The following PHF14 variants were observed in gnomAD, a reference collection of about 807,000 sequenced individuals.
The protein encoded by PHF14 is PHD finger protein 14.
A neutral mutation model predicts 117.9 loss-of-function variants in PHF14; 55 were observed. The observed-to-expected ratio is 0.47, with a 90% CI of 0.38 to 0.58. The LOEUF (loss-of-function observed/expected upper bound fraction) is 0.58, where lower values mean the gene tolerates loss of function less well. PHF14 is among the 20% of genes least tolerant of loss of function. PHF14 has a pLI of 0.00. For missense variants in PHF14, 978 were observed against 1,122.2 expected (o/e 0.87, Z 1.84); for synonymous variants, 409 against 368.6 (o/e 1.11, Z -1.26).
At chr7:11,110,074 A>G (rs1279618188) in intron 16 of PHF14, 2 of 151,904 alleles carry the variant, frequency 1.3e-5, no homozygotes, top group African/African-American at 4.8e-5. Context: ...GGACTTTTGT[A>G]TCATAATATG....
chr7:11,134,404 A>C (rs563343610), intron 17 of PHF14, among the ~76,000 whole-genome samples: 1 of 152,054 alleles, frequency 6.6e-6, no homozygotes, highest in Non-Finnish European at 1.5e-5. Flanking sequence ...ATTGTTTGCT[A>C]TATAATTTAA....
At chr7:11,103,916 C>A (rs1008984943) in intron 16 of PHF14, 7 of 981,462 alleles carry the variant, frequency 7.1e-6, no homozygotes, top group Non-Finnish European at 8.5e-6. Flanking sequence ...AACTAGTAGA[C>A]TTTTGTTTAA....
intron 16 of PHF14, chr7:11,106,539 G>C (rs1207607702): frequency 3.1e-6 from 3 of 980,334 alleles, no homozygotes; most frequent in Non-Finnish European, 3.6e-6. Flanking sequence ...GCAGAATTTT[G>C]TGCAAGCTTG....
chr7:11,012,420 T>A (rs1163157524), intron 4 of PHF14, among the ~76,000 whole-genome samples: 1 of 152,188 alleles, frequency 6.6e-6, no homozygotes, highest in Non-Finnish European at 1.5e-5. Context: ...ATGCTTTGTT[T>A]ATGTGAGTTT....
At chr7:11,129,183 C>A (rs1788019172) in intron 17 of PHF14, among the ~76,000 whole-genome samples, 1 of 151,966 alleles carries the variant, frequency 6.6e-6, no homozygotes, top group Non-Finnish European at 1.5e-5. Flanking sequence ...TTTTATTTTG[C>A]CAAATGGCAG....
At chr7:11,115,334 C>A (rs893408486) in intron 17 of PHF14, among the ~76,000 whole-genome samples, 3 of 151,848 alleles carry the variant, frequency 2.0e-5, no homozygotes, top group African/African-American at 7.3e-5. Context: ...AGTGTTTGCC[C>A]CACAGTAGAT....
At chr7:11,129,534 T>G (rs898377440) in intron 17 of PHF14, among the ~76,000 whole-genome samples, 2 of 146,562 alleles carry the variant, frequency 1.4e-5, no homozygotes, top group African/African-American at 2.6e-5. Context: ...AATGCCTATT[T>G]TGTGTGTATG....
chr7:11,072,777 G>A (rs1785665822), intron 16 of PHF14, among the ~76,000 whole-genome samples: 1 of 152,162 alleles, frequency 6.6e-6, no homozygotes, highest in African/African-American at 2.4e-5. Flanking sequence ...CAAGCAGCAT[G>A]GCACTGACAT....
chr7:10,987,074 G>T (rs569320243), intron 3 of PHF14, among the ~76,000 whole-genome samples: 73 of 152,190 alleles, frequency 4.8e-4, no homozygotes, highest in South Asian at 2.7e-3. Context: ...AAATGTAAAT[G>T]TTTTGCCAAA....
chr7:11,050,613 C>T (rs1244236746), intron 13 of PHF14, among the ~76,000 whole-genome samples: 2 of 152,016 alleles, frequency 1.3e-5, no homozygotes, highest in Non-Finnish European at 2.9e-5. Context: ...TTCAAGTGCT[C>T]AGTAACCATC....
intron 2 of PHF14, 71 bp downstream of exon 2, chr7:10,975,016 C>G (rs1412021400): frequency 2.5e-6 from 2 of 797,346 alleles, no homozygotes; most frequent in Non-Finnish European, 4.1e-6. Flanking sequence ...CTTTTTAAAT[C>G]GGTTTTGATT....
At chr7:10,985,623 A>G (rs1782191634) in intron 3 of PHF14, among the ~76,000 whole-genome samples, 1 of 134,230 alleles carries the variant, frequency 7.4e-6, no homozygotes, top group South Asian at 2.5e-4. Context: ...ACTCTCTAGC[A>G]GTGATTCTCA....
chr7:11,073,538 G>C (rs368026241), intron 16 of PHF14, among the ~76,000 whole-genome samples: 1 of 152,206 alleles, frequency 6.6e-6, no homozygotes, highest in African/African-American at 2.4e-5. Flanking sequence ...TGCTCTCATG[G>C]GTTGGAGTTA....
At chr7:11,058,487 T>G (rs1785096066) in intron 14 of PHF14, among the ~76,000 whole-genome samples, 1 of 152,220 alleles carries the variant, frequency 6.6e-6, no homozygotes, top group Admixed American at 6.5e-5. Context: ...AATTCTCTTT[T>G]ATTTTTTTCT....
At chr7:11,066,643 A>G (rs941411506) in intron 16 of PHF14, among the ~76,000 whole-genome samples, 1 of 152,228 alleles carries the variant, frequency 6.6e-6, no homozygotes, top group African/African-American at 2.4e-5. Flanking sequence ...TATCTGCCCC[A>G]TGTGGATTCC....
chr7:10,978,422 G>C (rs1016683834), intron 2 of PHF14, among the ~76,000 whole-genome samples: 15 of 152,214 alleles, frequency 9.9e-5, no homozygotes, highest in African/African-American at 3.1e-4. Context: ...GGAGGTAAGA[G>C]TGGAACTATG....
intron 16 of PHF14, among the ~76,000 whole-genome samples, chr7:11,064,017 C>G (rs1215803783): frequency 6.6e-6 from 1 of 151,754 alleles, no homozygotes; most frequent in Non-Finnish European, 1.5e-5. Context: ...CGTAAATTGT[C>G]TGCAAAGTTT....
At chr7:10,985,637 T>A (rs796698182) in intron 3 of PHF14, among the ~76,000 whole-genome samples, 2 of 96,754 alleles carry the variant, frequency 2.1e-5, no homozygotes, top group African/African-American at 8.0e-5. Flanking sequence ...ATTCTCAAAC[T>A]GTTTTTTTTT....
chr7:10,995,564 C>G (rs1289967441), intron 4 of PHF14, among the ~76,000 whole-genome samples: 1 of 152,236 alleles, frequency 6.6e-6, no homozygotes, highest in Non-Finnish European at 1.5e-5. Flanking sequence ...ATTCCTCAGC[C>G]CTTGGGTGGT....
Sources: allele counts gnomAD v4.1 joint callset (sites outside exome capture counted in the v4.1 genomes callset), GRCh38; gene constraint gnomAD v4.1.1; transcripts MANE v1.5; gene names NCBI Gene and HGNC (gene_info 2026-07-23, HGNC 2026-07-21).